The following LYRM4 variants were observed in gnomAD, a reference collection of about 807,000 sequenced individuals.
The protein encoded by LYRM4 is LYR motif-containing protein 4.
A neutral mutation model predicts 11.7 loss-of-function variants in LYRM4; 9 were observed. The observed-to-expected ratio is 0.77, with a 90% CI of 0.46 to 1.34. LYRM4 has a LOEUF of 1.34. LYRM4 is among the 40% of genes most tolerant of loss of function. The probability of loss-of-function intolerance (pLI) is 0.00; values close to 1 mark genes in which losing one functional copy is unlikely to be tolerated. For synonymous variants in LYRM4, 42 were observed against 40.4 expected, an observed-to-expected ratio of 1.04 and a Z score of -0.15; for missense variants, 133 against 112.5, an observed-to-expected ratio of 1.18 and a Z score of -0.82.
At chr6:5,095,378 G>C in the LYRM4 span, among the ~76,000 whole-genome samples, 19 of 152,216 alleles carry the variant, frequency 1.2e-4, no homozygotes, top group African/African-American at 4.6e-4. Flanking sequence ...GAGGCTTCCG[G>C]TGCAACCAAG....
intron 2 of LYRM4, chr6:5,186,908 A>G: frequency 2.3e-6 from 1 of 434,596 alleles, no homozygotes; most frequent in South Asian, 3.0e-5. Flanking sequence ...TGCTTGAACC[A>G]GGGAGGCAGA....
At chr6:5,123,826 G>A (rs953767122) in intron 2 of LYRM4, among the ~76,000 whole-genome samples, 1 of 152,206 alleles carries the variant, frequency 6.6e-6, no homozygotes. Flanking sequence ...ATGGTCTGTG[G>A]TGACAGGCCA....
the LYRM4 span, among the ~76,000 whole-genome samples, chr6:5,046,606 C>T: frequency 6.6e-6 from 1 of 152,146 alleles, no homozygotes; most frequent in Non-Finnish European, 1.5e-5. Flanking sequence ...ACAGGCATCT[C>T]GCTCTTTGCA....
chr6:5,040,973 A>G, the LYRM4 span, among the ~76,000 whole-genome samples: 68 of 152,178 alleles, frequency 4.5e-4, no homozygotes, highest in African/African-American at 1.4e-3. Context: ...CAAAATTCAG[A>G]CTTGACCATG....
At position 5,160,904 on chromosome 6, in the gene LYRM4, A is replaced by C. The variant is rs1758721362; in HGVS notation, c.208-51413T>G. 2.0e-5 allele frequency among the ~76,000 whole-genome samples: 3 copies of C among 152,150 alleles called. No individual in the cohort carries two copies. The South Asian group carries it at 6.2e-4, about 32-fold the overall frequency. ...ATGTGATGGGGAGCAAACGATTTAG[A>C]CCAGAAAAATGGCATTCCATTTTCT... On this transcript the variant is annotated intron_variant, in intron 2 of 2. Transcript: ENST00000330636.
At chr6:5,057,725 GA>G in the LYRM4 span, among the ~76,000 whole-genome samples, 816 of 134,604 alleles carry the variant, frequency 6.1e-3, 5 homozygotes, top group African/African-American at 0.011. Context: ...AAAAAAAAAA[GA>G]AAAAAAAAAA....
chr6:5,154,723 G>A (rs1758296288), intron 2 of LYRM4, among the ~76,000 whole-genome samples: 1 of 152,184 alleles, frequency 6.6e-6, no homozygotes, highest in East Asian at 1.9e-4. Context: ...GGAGGCTGAG[G>A]CAGGAGAATG....
At chr6:5,117,644 G>A (rs951267851) in intron 2 of LYRM4, among the ~76,000 whole-genome samples, 4 of 152,078 alleles carry the variant, frequency 2.6e-5, no homozygotes, top group African/African-American at 9.7e-5. Flanking sequence ...TGATCTTCAT[G>A]TAAATGGTGT....
intron 2 of LYRM4, among the ~76,000 whole-genome samples, chr6:5,111,588 A>G (rs1018256214): frequency 1.1e-4 from 16 of 152,140 alleles, no homozygotes; most frequent in African/African-American, 3.9e-4. Flanking sequence ...ATTCCTTCCA[A>G]CTCTCAGCTT....
intron 2 of LYRM4, among the ~76,000 whole-genome samples, chr6:5,214,243 G>A (rs1478204252): frequency 6.9e-6 from 1 of 145,772 alleles, no homozygotes; most frequent in African/African-American, 2.4e-5. Flanking sequence ...TAGATAGTGT[G>A]GTCCCAGGGG....
intron 2 of LYRM4, among the ~76,000 whole-genome samples, chr6:5,119,253 A>G (rs1436214028): frequency 6.6e-6 from 1 of 152,164 alleles, no homozygotes; most frequent in Non-Finnish European, 1.5e-5. Flanking sequence ...GTCACAGTTA[A>G]TAATTAATAT....
chr6:5,168,087 T>A (rs1759194472), intron 2 of LYRM4, among the ~76,000 whole-genome samples: 1 of 146,654 alleles, frequency 6.8e-6, no homozygotes, highest in Non-Finnish European at 1.5e-5. Context: ...TAAGAGAGAA[T>A]CCATGAATCT....
the LYRM4 span, among the ~76,000 whole-genome samples, chr6:5,096,027 T>C: frequency 1.3e-5 from 2 of 152,126 alleles, no homozygotes; most frequent in African/African-American, 4.8e-5. Context: ...CCGAGTATTA[T>C]GCCAAAGTAG....
rs368063673 is a variant in LYRM4, at chr6:5,185,807, G to A, written c.207+30811C>T. Reference sequence around the variant, plus strand: ...TTGCAGGAGACAGGTGTGTCATGGCGGTGGATGTGATCACAGGGAAAGAGA... The same window carrying A: ...TTGCAGGAGACAGGTGTGTCATGGCAGTGGATGTGATCACAGGGAAAGAGA... On this transcript the variant is annotated intron_variant, in intron 2 of 2. Transcript: ENST00000330636. Among the ~76,000 whole-genome samples the A allele has an allele frequency of 7.4e-4, 112 of 152,260 alleles. No individual in the cohort carries two copies. In the East Asian group the frequency reaches 0.014, roughly 19 times the overall value.
At chr6:5,158,782 G>A (rs1000676997) in intron 2 of LYRM4, among the ~76,000 whole-genome samples, 2 of 152,170 alleles carry the variant, frequency 1.3e-5, no homozygotes, top group African/African-American at 4.8e-5. Flanking sequence ...CAAGTCTGCA[G>A]GTCTTGAGGT....
chr6:5,145,506 G>A (rs909978115), intron 2 of LYRM4, among the ~76,000 whole-genome samples: 3 of 152,158 alleles, frequency 2.0e-5, no homozygotes, highest in Admixed American at 6.5e-5. Flanking sequence ...CTATGACGGC[G>A]AGGGCGAGGC....
At chr6:5,248,682 C>A (rs2753231) in intron 1 of LYRM4, among the ~76,000 whole-genome samples, 44,784 of 151,962 alleles carry the variant, frequency 0.29, 8,481 homozygotes, top group African/African-American at 0.54. Flanking sequence ...TTCTTCAGCT[C>A]CGATCCCCTT....
chr6:5,094,880 T>C, the LYRM4 span, among the ~76,000 whole-genome samples: 2 of 152,286 alleles, frequency 1.3e-5, no homozygotes, highest in East Asian at 3.9e-4. Context: ...TGGGTACAAA[T>C]ATACAGTTAG....
intron 2 of LYRM4, among the ~76,000 whole-genome samples, chr6:5,203,374 C>T (rs1385081376): frequency 6.6e-6 from 1 of 152,178 alleles, no homozygotes; most frequent in Non-Finnish European, 1.5e-5. Flanking sequence ...GCTTGGTAGG[C>T]CTCCTAATGG....
Sources: gnomAD v4.1 joint callset for allele counts (sites outside exome capture counted in the v4.1 genomes callset) on GRCh38, gnomAD v4.1.1 for gene constraint, MANE v1.5 for transcripts, NCBI Gene and HGNC (gene_info 2026-07-23, HGNC 2026-07-21) for gene names.